Variants in EPB41L5 observed in about 807,000 individuals in gnomAD.
The protein encoded by EPB41L5 is band 4.1-like protein 5.
A neutral mutation model predicts 106.6 loss-of-function variants in EPB41L5; 55 were observed. That is an observed-to-expected ratio of 0.52 (90% CI 0.42 to 0.65). EPB41L5 has a LOEUF of 0.65. Ranked by LOEUF, EPB41L5 falls within the 30% of genes least tolerant of loss-of-function variation. The pLI is 0.00. For missense variants in EPB41L5, 871 were observed against 882.1 expected, an observed-to-expected ratio of 0.99 and a Z score of 0.16; for synonymous variants, 297 against 306.7, an observed-to-expected ratio of 0.97 and a Z score of 0.33.
At chr2:120,070,946 C>G (rs899917511) in intron 3 of EPB41L5, among the ~76,000 whole-genome samples, 1 of 152,186 alleles carries the variant, frequency 6.6e-6, no homozygotes, top group Non-Finnish European at 1.5e-5. Flanking sequence ...GATGCCGTCT[C>G]TCACCACTCC....
Position 120,175,047 on chromosome 2 carries a change from A to C in EPB41L5, c.*140A>C, listed in dbSNP as rs1687874314. On this transcript the variant is annotated 3_prime_UTR_variant, in exon 25 of 25. Coordinates refer to ENST00000263713, the MANE Select transcript of EPB41L5 (RefSeq NM_020909.4). ...TAGATTTGACTTCAACTCCGTAAAA[A>C]AGACAGCTGTATTTTCCGTCCAACT... 4 of 784,486 alleles carry C rather than the reference A, an allele frequency of 5.1e-6. No individual in the cohort carries two copies. The East Asian group carries it at 9.8e-5, about 19-fold the overall frequency. 48.6% of individuals were successfully genotyped at this position (784,486 alleles called of 1,614,324 possible).
intron 19 of EPB41L5, among the ~76,000 whole-genome samples, chr2:120,144,023 TG>T (rs1269021558): frequency 6.6e-6 from 1 of 152,202 alleles, no homozygotes; most frequent in East Asian, 1.9e-4. Context: ...GAATAGTGCC[TG>T]GCACATAATG....
chr2:120,152,271 C>A (rs1049439555), intron 20 of EPB41L5, among the ~76,000 whole-genome samples: 1 of 152,116 alleles, frequency 6.6e-6, no homozygotes, highest in African/African-American at 2.4e-5. Context: ...AGTTGAGATG[C>A]TCATCAATTG....
chr2:120,044,759 G>A (rs1679652194), intron 3 of EPB41L5, among the ~76,000 whole-genome samples: 2 of 152,092 alleles, frequency 1.3e-5, no homozygotes, highest in African/African-American at 4.8e-5. Context: ...GCCAGGATTA[G>A]AATATTTAAT....
chr2:120,119,642 T>TA (rs768409476), intron 16 of EPB41L5, among the ~76,000 whole-genome samples: 68 of 152,060 alleles, frequency 4.5e-4, no homozygotes, highest in Non-Finnish European at 7.7e-4. Flanking sequence ...TCTTTTTTTT[T>TA]AACACATGCC....
At chr2:120,016,555 A>G (rs1677540705) in intron 1 of EPB41L5, among the ~76,000 whole-genome samples, 1 of 152,204 alleles carries the variant, frequency 6.6e-6, no homozygotes, top group Non-Finnish European at 1.5e-5. Flanking sequence ...AATGACAGAC[A>G]ATATCTTATT....
chr2:120,102,070 C>G (rs1684174804), intron 16 of EPB41L5, among the ~76,000 whole-genome samples: 1 of 152,086 alleles, frequency 6.6e-6, no homozygotes, highest in African/African-American at 2.4e-5. Context: ...ATGTTACCAC[C>G]AAGTTCTGTT....
chr2:120,168,350 C>T (rs1311985815), intron 24 of EPB41L5, among the ~76,000 whole-genome samples: 2 of 152,016 alleles, frequency 1.3e-5, no homozygotes, highest in African/African-American at 4.8e-5. Flanking sequence ...TGATGGTGCC[C>T]GTCAACACAG....
intron 24 of EPB41L5, among the ~76,000 whole-genome samples, chr2:120,173,117 A>C (rs1445631054): frequency 6.6e-6 from 1 of 152,234 alleles, no homozygotes; most frequent in African/African-American, 2.4e-5. Context: ...AAAATGAGGC[A>C]GTTATTCAGT....
chr2:120,161,170 G>A (rs1429778930), intron 21 of EPB41L5, among the ~76,000 whole-genome samples, 196 bp downstream of exon 21: 1 of 151,448 alleles, frequency 6.6e-6, no homozygotes, highest in Non-Finnish European at 1.5e-5. Flanking sequence ...TTGAGCTCAG[G>A]AGTTCAAGAC....
chr2:120,101,572 TTTTCTC>T (rs989827805), intron 16 of EPB41L5: 4 of 152,198 alleles, frequency 2.6e-5, no homozygotes, highest in Admixed American at 2.6e-4. Flanking sequence ...ATTTTTCTCT[TTTTCTC>T]TTGCTCTTAG....
chr2:120,169,652 A>G (rs572063867), intron 24 of EPB41L5, among the ~76,000 whole-genome samples: 4 of 152,224 alleles, frequency 2.6e-5, no homozygotes, highest in South Asian at 4.2e-4. Flanking sequence ...CTCAGTCTTA[A>G]CTTTGTATGG....
intron 10 of EPB41L5, among the ~76,000 whole-genome samples, chr2:120,085,580 T>TGTCCGTTCTCAGATCTCAAACTCC (rs1289065831): frequency 6.6e-6 from 1 of 152,204 alleles, no homozygotes; most frequent in Non-Finnish European, 1.5e-5. Flanking sequence ...GGAGGCAGTC[T>TGTCCGTTCTCAGATCTCAAACTCC]GTCCGTTCTC....
At chr2:120,041,277 C>T (rs1454082340) in intron 2 of EPB41L5, among the ~76,000 whole-genome samples, 1 of 152,108 alleles carries the variant, frequency 6.6e-6, no homozygotes, top group South Asian at 2.1e-4. Context: ...CTTCCACGTT[C>T]ACTGTGTTGC....
At chr2:120,136,130 T>C (rs1330093614) in intron 18 of EPB41L5, among the ~76,000 whole-genome samples, 1 of 151,412 alleles carries the variant, frequency 6.6e-6, no homozygotes, top group African/African-American at 2.4e-5. Flanking sequence ...AGAGTTTTTA[T>C]TAGTTTTCTC....
intron 2 of EPB41L5, among the ~76,000 whole-genome samples, chr2:120,024,518 G>A (rs533365550): frequency 3.3e-5 from 5 of 152,142 alleles, no homozygotes; most frequent in Admixed American, 2.6e-4. Context: ...GTGCAGTGGC[G>A]TGATCTCAGC....
At chr2:120,132,153 T>A (rs1052450454) in intron 18 of EPB41L5, among the ~76,000 whole-genome samples, 7 of 152,196 alleles carry the variant, frequency 4.6e-5, no homozygotes, top group Non-Finnish European at 1.0e-4. Context: ...TTTTTTTTGT[T>A]GTAGGGTGGG....
intron 3 of EPB41L5, among the ~76,000 whole-genome samples, chr2:120,066,366 G>A (rs1344348333): frequency 6.6e-6 from 1 of 151,968 alleles, no homozygotes; most frequent in East Asian, 1.9e-4. Flanking sequence ...ATAGAAAATT[G>A]TATATCTTGA....
chr2:120,135,429 A>C (rs554353694), intron 18 of EPB41L5, among the ~76,000 whole-genome samples: 22 of 152,212 alleles, frequency 1.4e-4, no homozygotes, highest in Non-Finnish European at 2.9e-4. Flanking sequence ...ATCAATATTC[A>C]AGTACAAGAA....
Sources: gnomAD v4.1 joint callset for allele counts (sites outside exome capture counted in the v4.1 genomes callset) on GRCh38, gnomAD v4.1.1 for gene constraint, MANE v1.5 for transcripts, NCBI Gene and HGNC (gene_info 2026-07-23, HGNC 2026-07-21) for gene names.